The following GNAI1 variants were observed in gnomAD, a reference collection of about 807,000 sequenced individuals.
The protein encoded by GNAI1 is guanine nucleotide-binding protein G(i) subunit alpha-1.
Under a neutral mutation model 38.9 loss-of-function variants are expected in GNAI1, and 11 were observed. That is an observed-to-expected ratio of 0.28 (90% CI 0.18 to 0.47). The LOEUF is 0.47. GNAI1 is among the 20% of genes least tolerant of loss of function. The pLI, the probability that GNAI1 is intolerant of heterozygous loss-of-function variation, is 0.99. For missense variants in GNAI1, 317 were observed against 436.9 expected, an observed-to-expected ratio of 0.73 and a Z score of 2.45; for synonymous variants, 166 against 145.1, an observed-to-expected ratio of 1.14 and a Z score of -1.04.
intron 1 of GNAI1, among the ~76,000 whole-genome samples, chr7:80,155,843 T>A (rs1212584925): frequency 2.0e-5 from 3 of 151,002 alleles, no homozygotes; most frequent in Non-Finnish European, 4.4e-5. Flanking sequence ...GATCACGAGG[T>A]CAGGAGTTTG....
intron 7 of GNAI1, among the ~76,000 whole-genome samples, chr7:80,216,939 G>A (rs1788978865): frequency 6.6e-6 from 1 of 152,102 alleles, no homozygotes; most frequent in South Asian, 2.1e-4. Flanking sequence ...CATTGGGCCA[G>A]AACTGAAATA....
At chr7:80,195,260 T>G (rs964854624) in intron 3 of GNAI1, among the ~76,000 whole-genome samples, 4 of 151,954 alleles carry the variant, frequency 2.6e-5, no homozygotes, top group African/African-American at 9.7e-5. Context: ...GTGAAACTCA[T>G]ACTTCATGCT....
At chr7:80,146,181 C>T (rs1787617957) in intron 1 of GNAI1, among the ~76,000 whole-genome samples, 1 of 152,042 alleles carries the variant, frequency 6.6e-6, no homozygotes, top group African/African-American at 2.4e-5. Context: ...AGCTTTGGCC[C>T]AGAGTGGAGA....
At chr7:80,185,717 C>T (rs1464301800) in intron 1 of GNAI1, among the ~76,000 whole-genome samples, 1 of 152,114 alleles carries the variant, frequency 6.6e-6, no homozygotes, top group Non-Finnish European at 1.5e-5. Context: ...TGCAGCGTTA[C>T]ACTCCCAGCC....
intron 5 of GNAI1, among the ~76,000 whole-genome samples, chr7:80,206,365 C>G (rs181772298): frequency 9.4e-5 from 14 of 148,230 alleles, no homozygotes; most frequent in African/African-American, 3.7e-4. Context: ...TTAAAGCCTT[C>G]AGTGGACATT....
intron 1 of GNAI1, chr7:80,135,858 T>G: frequency 1.0e-6 from 1 of 985,158 alleles, no homozygotes; most frequent in Non-Finnish European, 1.2e-6. Context: ...GCTGATTACA[T>G]TCCCCCTGCG....
At chr7:80,140,540 C>T (rs958926846) in intron 1 of GNAI1, among the ~76,000 whole-genome samples, 4 of 152,146 alleles carry the variant, frequency 2.6e-5, no homozygotes, top group Admixed American at 1.3e-4. Flanking sequence ...TTGCAGATTT[C>T]TTGGTCACAT....
In GNAI1 at chr7:80,168,205, T is replaced by C. The variant is rs556352164; in HGVS notation, c.119-20746T>C. Among the ~76,000 whole-genome samples the C allele has an allele frequency of 3.2e-4, 49 of 152,274 alleles. 1 individual carries two copies. In the South Asian group the frequency reaches 1.0e-2, roughly 31 times the overall value. On this transcript the variant is annotated intron_variant, in intron 1 of 7. Coordinates refer to ENST00000649796, the MANE Select transcript of GNAI1 (RefSeq NM_002069.6). The stretch of plus-strand genomic sequence containing the variant: ...AAGAAATGGCATTTGACAGGTGCTC[T>C]AGAAATCTCTAGTCATGTACTTAAC...
At chr7:80,135,368 G>C in intron 1 of GNAI1, 90 bp downstream of exon 1, 2 of 735,778 alleles carry the variant, frequency 2.7e-6, no homozygotes, top group Non-Finnish European at 2.0e-6. Context: ...CGGAGGGAAG[G>C]GGGAGGAAGC....
chr7:80,148,144 G>C (rs1385732922), intron 1 of GNAI1, among the ~76,000 whole-genome samples: 1 of 152,112 alleles, frequency 6.6e-6, no homozygotes, highest in Non-Finnish European at 1.5e-5. Context: ...GCAGTTTATA[G>C]GTCAGGTTGA....
At chr7:80,199,734 G>A (rs1788645930) in intron 4 of GNAI1, among the ~76,000 whole-genome samples, 1 of 152,142 alleles carries the variant, frequency 6.6e-6, no homozygotes, top group South Asian at 2.1e-4. Flanking sequence ...GTTAATGAGA[G>A]TGTAACTGAT....
chr7:80,146,295 G>T (rs912455873), intron 1 of GNAI1, among the ~76,000 whole-genome samples: 1 of 152,156 alleles, frequency 6.6e-6, no homozygotes, highest in East Asian at 1.9e-4. Context: ...TCTGCCATGG[G>T]ATGCCTGGGA....
At chr7:80,188,878 TTG>T (rs1788432544) in intron 1 of GNAI1, 71 bp from the exon 2 acceptor site, 1 of 835,276 alleles carries the variant, frequency 1.2e-6, no homozygotes, top group African/African-American at 1.8e-5. Flanking sequence ...GTGTGTGTGT[TTG>T]TGTGTTGGGA....
In GNAI1 at chr7:80,200,324, CAAAA is replaced by C. The variant is rs59511755; in HGVS notation, c.461+962_461+965del. The stretch of plus-strand genomic sequence containing the variant: ...CTGGAGATGGAGTGAGGCCATGTCT[CAAAA>C]AAAAAAAAAAAAAAAAAAACCTAAT... On this transcript the variant is annotated intron_variant, in intron 4 of 7. Transcript: ENST00000649796. Among the ~76,000 whole-genome samples, 44 of 40,374 alleles carry C rather than the reference CAAAA, an allele frequency of 1.1e-3. 2 individuals carry two copies. Among genetic ancestry groups the C allele is most frequent in the African/African-American group, 6.8e-3 (41 of 6,044 alleles). The allele number at this position is 40,374 out of a possible 152,430, so 26.5% of individuals were successfully genotyped here.
intron 1 of GNAI1, among the ~76,000 whole-genome samples, chr7:80,173,393 A>G (rs1396457568): frequency 1.3e-5 from 2 of 152,212 alleles, no homozygotes; most frequent in African/African-American, 4.8e-5. Flanking sequence ...ATTTTAATTT[A>G]TCCTGTACAC....
At chr7:80,181,980 C>G (rs1369659518) in intron 1 of GNAI1, among the ~76,000 whole-genome samples, 3 of 152,120 alleles carry the variant, frequency 2.0e-5, no homozygotes, top group Non-Finnish European at 2.9e-5. Flanking sequence ...ATCTCTACAA[C>G]TTATTCATCG....
At chr7:80,164,785 C>G (rs17153514) in intron 1 of GNAI1, among the ~76,000 whole-genome samples, 6,231 of 152,100 alleles carry the variant, frequency 0.041, 150 homozygotes, top group African/African-American at 0.075. Flanking sequence ...CTCAAATTTC[C>G]TTTGATGAGT....
At chr7:80,217,244 T>TTTCATATGTATGACACTGA in intron 7 of GNAI1, 59 bp from the exon 8 acceptor site, 1 of 1,093,798 alleles carries the variant, frequency 9.1e-7, no homozygotes, top group Non-Finnish European at 1.3e-6. Context: ...CTGAATTCAG[T>TTTCATATGTATGACACTGA]ATTTTAAGCA....
intron 1 of GNAI1, among the ~76,000 whole-genome samples, chr7:80,164,194 G>A (rs544392782): frequency 4.1e-4 from 61 of 149,868 alleles, no homozygotes; most frequent in African/African-American, 1.3e-3. Context: ...ACAGGTGTGC[G>A]CCACCACATC....
Sources: gnomAD v4.1 joint callset for allele counts (sites outside exome capture counted in the v4.1 genomes callset) on GRCh38, gnomAD v4.1.1 for gene constraint, MANE v1.5 for transcripts, NCBI Gene and HGNC (gene_info 2026-07-23, HGNC 2026-07-21) for gene names.